Variants in SAMD14 observed in about 807,000 individuals in gnomAD.
SAMD14 encodes sterile alpha motif domain containing 14.
SAMD14 carries 27 observed loss-of-function variants against 46.2 expected under a neutral mutation model. The ratio of observed to expected loss-of-function variants is 0.58; its 90% CI spans 0.43 to 0.81. The LOEUF (loss-of-function observed/expected upper bound fraction) is 0.81. Ranked by LOEUF, SAMD14 falls within the 30% of genes least tolerant of loss-of-function variation. SAMD14 has a pLI of 0.00. For synonymous variants in SAMD14, 241 were observed against 254.3 expected (o/e 0.95, Z 0.50); for missense variants, 559 against 582.2 (o/e 0.96, Z 0.41).
intron 2 of SAMD14, among the ~76,000 whole-genome samples, chr17:50,122,489 A>G (rs145823034): frequency 6.6e-6 from 1 of 151,704 alleles, no homozygotes; most frequent in African/African-American, 2.4e-5. Flanking sequence ...AGCACTCCCC[A>G]CCGTCTAGTA....
chr17:50,117,251 C>A (rs985337361), intron 4 of SAMD14, among the ~76,000 whole-genome samples, 156 bp downstream of exon 4: 30 of 152,264 alleles, frequency 2.0e-4, no homozygotes, highest in African/African-American at 7.0e-4. Flanking sequence ...TTAGTAGGCG[C>A]TCGGTAAAGA....
intron 2 of SAMD14, among the ~76,000 whole-genome samples, chr17:50,120,647 T>G (rs1471543064): frequency 6.6e-6 from 1 of 152,194 alleles, no homozygotes; most frequent in African/African-American, 2.4e-5. Flanking sequence ...TATGCTCCCT[T>G]GCCTGTCTGA....
At position 50,112,914 on chromosome 17, in the gene SAMD14, C is replaced by T. The variant is rs760845016; in HGVS notation, c.1233G>A (p.Glu411=). Residue 411 remains glutamate, a synonymous_variant, in exon 10 of 10, where the codon GAG becomes GAA. Coordinates refer to ENST00000330175, the MANE Select transcript of SAMD14 (RefSeq NM_001257359.2). ...TCCCCTAGCTCTTCTTGGCCTCCTGCTCTCGGCGCCGGAGCTTCTCCCGCT... is the reference window on the plus strand; with the variant it reads ...TCCCCTAGCTCTTCTTGGCCTCCTGTTCTCGGCGCCGGAGCTTCTCCCGCT... ...ARQREKLRRR[E]QEAKKS is the part of the protein sequence containing the mutation. The T allele has an allele frequency of 6.2e-7, 1 of 1,606,574 alleles. No homozygotes were observed. Among genetic ancestry groups the T allele is most frequent in the Non-Finnish European group, 8.5e-7 (1 of 1,179,844 alleles).
At chr17:50,128,482 T>TCTCTCACACA (rs550871572) in intron 1 of SAMD14, among the ~76,000 whole-genome samples, 3 of 135,796 alleles carry the variant, frequency 2.2e-5, no homozygotes, top group African/African-American at 5.7e-5. Context: ...GCACACTCTC[T>TCTCTCACACA]CACACACACA....
chr17:50,122,831 G>A (rs890074008), intron 2 of SAMD14, among the ~76,000 whole-genome samples: 6 of 152,232 alleles, frequency 3.9e-5, no homozygotes, highest in Non-Finnish European at 7.4e-5. Flanking sequence ...GGGGAGCAGC[G>A]AGGGGGCCAG....
chr17:50,120,590 T>A (rs755662402), intron 2 of SAMD14, among the ~76,000 whole-genome samples: 1 of 152,226 alleles, frequency 6.6e-6, no homozygotes, highest in African/African-American at 2.4e-5. Flanking sequence ...TTCCATCTTA[T>A]GCAGATTAAG....
intron 1 of SAMD14, among the ~76,000 whole-genome samples, chr17:50,126,967 G>A (rs1054756743): frequency 6.6e-5 from 10 of 151,842 alleles, no homozygotes; most frequent in African/African-American, 2.2e-4. Context: ...GGGTGTGGTG[G>A]TGCACACCTG....
chr17:50,117,623 CG>C lies in SAMD14; in HGVS notation c.282del (p.Gly96AlafsTer183). ...GGAGGATCCAGGCAGAAAGAGCCCC[CG>C]GCCGGGGACCCCGGGCCTGAGTGCA... is the stretch of plus-strand genomic sequence containing the variant. Reference protein sequence around the residue: ...SPLHSGPGSPAGGSFCLDPPG... With the variant: ...SPLHSGPGSPXGGSFCLDPPG... On this transcript the variant is annotated frameshift_variant, in exon 4 of 10. Coordinates refer to ENST00000330175, the MANE Select transcript of SAMD14 (RefSeq NM_001257359.2). LOFTEE classifies it high-confidence loss of function. The C allele has an allele frequency of 1.3e-6, 2 of 1,557,954 alleles. No homozygotes were observed. The highest frequency in any genetic ancestry group is 1.7e-6 in the Non-Finnish European group (2 of 1,161,832).
chr17:50,123,242 C>G (rs1269418246), intron 2 of SAMD14, among the ~76,000 whole-genome samples: 1 of 152,198 alleles, frequency 6.6e-6, no homozygotes, highest in Non-Finnish European at 1.5e-5. Context: ...GACGGTCTAG[C>G]TCTGTTGGTA....
At position 50,115,773 on chromosome 17, in the gene SAMD14, A is replaced by G; in HGVS notation, c.663-50T>C. On this transcript the variant is annotated intron_variant, in intron 6 of 9. Transcript: ENST00000330175. The surrounding 1 kb of genome is among the most constrained non-coding windows in gnomAD (Gnocchi z 5.3). Reference sequence around the variant, plus strand: ...GTGTGGGTACAGAGGGGAGGACCAGAGCACATGGGGAGCCAGGGGCGGGAG... The same window carrying G: ...GTGTGGGTACAGAGGGGAGGACCAGGGCACATGGGGAGCCAGGGGCGGGAG... 1.2e-6 allele frequency: 2 copies of G among 1,613,410 alleles called. No homozygotes were observed. Among genetic ancestry groups the G allele is most frequent in the Non-Finnish European group, 1.7e-6 (2 of 1,179,882 alleles).
At position 50,111,559 on chromosome 17, in the gene SAMD14, G is replaced by A. The variant is rs75762778; in HGVS notation, c.*1334C>T. Reference sequence around the variant, plus strand: ...GAGTCCCAGGTACAGGGTGCTGGCCGTAAGCCACAGCCCCTGGGCAGGAAT... The same window carrying A: ...GAGTCCCAGGTACAGGGTGCTGGCCATAAGCCACAGCCCCTGGGCAGGAAT... On this transcript the variant is annotated 3_prime_UTR_variant, in exon 10 of 10. Coordinates refer to ENST00000330175, the MANE Select transcript of SAMD14 (RefSeq NM_001257359.2). 19,845 of 152,244 alleles carry A rather than the reference G, an allele frequency of 0.13. 1,457 individuals carry two copies. The highest frequency in any genetic ancestry group is 0.15 in the Non-Finnish European group (10,218 of 68,048). The allele number at this position is 152,244 out of a possible 1,614,324, so 9.4% of individuals were successfully genotyped here. A position where few individuals can be genotyped will look rare whatever the true frequency, so the allele number is the denominator to read the frequency against.
Position 50,114,037 on chromosome 17 carries a change from G to T in SAMD14, c.985C>A (p.Gln329Lys). Residue 329 changes from glutamine (Q) to lysine (K), a missense_variant, in exon 9 of 10, where the codon CAG becomes AAG. Transcript: ENST00000330175. ...PLPPVHHWTS[Q>K]QVGQWLQSLN... is the part of the protein sequence containing the mutation. ...CTCTGCAGCCACTGGCCCACCTGCT[G>T]GCTGGTCCAGTGGTGGACAGGGGGG... The T allele has an allele frequency of 1.2e-6, 2 of 1,613,716 alleles. No individual in the cohort carries two copies. The highest frequency in any genetic ancestry group is 1.1e-5 in the South Asian group (1 of 91,076).
intron 2 of SAMD14, among the ~76,000 whole-genome samples, chr17:50,120,938 T>C (rs1205399252): frequency 6.6e-6 from 1 of 152,230 alleles, no homozygotes; most frequent in African/African-American, 2.4e-5. Context: ...TGGCATGCTA[T>C]ATATTTTGCT....
intron 2 of SAMD14, among the ~76,000 whole-genome samples, chr17:50,120,046 G>A (rs1390528291): frequency 1.3e-5 from 2 of 152,152 alleles, no homozygotes; most frequent in Non-Finnish European, 1.5e-5. Context: ...TACGGTGAAG[G>A]GATATGATGT....
intron 8 of SAMD14, 34 bp downstream of exon 8, chr17:50,114,153 G>T (rs907733898): frequency 6.2e-7 from 1 of 1,613,938 alleles, no homozygotes; most frequent in Non-Finnish European, 8.5e-7. Flanking sequence ...CAGAGGTCAG[G>T]ACTCCGTGGG....
At chr17:50,128,760 GAGAC>G (rs1911898345) in intron 1 of SAMD14, among the ~76,000 whole-genome samples, 1 of 152,180 alleles carries the variant, frequency 6.6e-6, no homozygotes. Flanking sequence ...GGAAGAAGCA[GAGAC>G]AGACACACAA....
In SAMD14 at chr17:50,117,675, G is replaced by A. The variant is rs1234189274; in HGVS notation, c.231C>T (p.Ser77=). Residue 77 remains serine, a synonymous_variant, in exon 4 of 10, where the codon AGC becomes AGT. Coordinates refer to ENST00000330175, the MANE Select transcript of SAMD14 (RefSeq NM_001257359.2). ...AAGGCGAGCGCAGCCGGTGCAGGGG[G>A]CTCCCGCAGCCATCGGTCACCTGGA... ...PGGKVTDGCG[S]PLHRLRSPLH... is the part of the protein sequence containing the mutation. The A allele has an allele frequency of 3.8e-5, 56 of 1,474,032 alleles. No individual in the cohort carries two copies. Among genetic ancestry groups the A allele is most frequent in the Non-Finnish European group, 4.2e-5 (47 of 1,120,284 alleles). The allele number at this position is 1,474,032 out of a possible 1,614,324, so 91.3% of individuals were successfully genotyped here. A position where few individuals can be genotyped will look rare whatever the true frequency, so the allele number is the denominator to read the frequency against.
At chr17:50,120,914 C>T (rs1316272067) in intron 2 of SAMD14, among the ~76,000 whole-genome samples, 4 of 152,112 alleles carry the variant, frequency 2.6e-5, no homozygotes, top group Non-Finnish European at 4.4e-5. Flanking sequence ...TTTCCTATAT[C>T]ATTTCTCATT....
At chr17:50,113,532 C>T (rs1367902079) in intron 9 of SAMD14, 1 of 286,042 alleles carries the variant, frequency 3.5e-6, no homozygotes, top group African/African-American at 2.2e-5. Context: ...CTACAGCCTC[C>T]CCCTGCCCAC....
Sources: gnomAD v4.1 joint callset for allele counts (sites outside exome capture counted in the v4.1 genomes callset) on GRCh38, gnomAD v4.1.1 for gene constraint, Gnocchi (gnomAD v3.1) non-coding constraint, MANE v1.5 for transcripts, NCBI Gene and HGNC (gene_info 2026-07-23, HGNC 2026-07-21) for gene names.